C5: variants seen among roughly 807,000 people sequenced by gnomAD.
C5 encodes the protein C3 and PZP-like alpha-2-macroglobulin domain-containing protein 4.
Under a neutral mutation model 218.8 loss-of-function variants are expected in C5, and 140 were observed. The ratio of observed to expected loss-of-function variants is 0.64; its 90% confidence interval spans 0.56 to 0.74. The LOEUF (loss-of-function observed/expected upper bound fraction) is 0.74, where lower values mean the gene tolerates loss of function less well. C5 is among the 30% of genes least tolerant of loss of function. The pLI is 0.00. For missense variants in C5, 1,700 were observed against 1,969.6 expected (o/e 0.86, Z 2.59); for synonymous variants, 614 against 682.3 (o/e 0.90, Z 1.56).
At chr9:120,974,740 C>T (rs2269066) in intron 30 of C5, 39 bp downstream of exon 30, 169,136 of 1,550,100 alleles carry the variant, frequency 0.11, 11,916 homozygotes, top group African/African-American at 0.33. Flanking sequence ...TCAATGGTCT[C>T]AGCCAATTGT....
rs780147018 is a variant in C5, at chr9:120,970,152, A to G, written c.4162+18T>C. On this transcript the variant is annotated intron_variant, in intron 32 of 40. Coordinates refer to ENST00000223642, the MANE Select transcript of C5 (RefSeq NM_001735.3). ...TTATTTTTAGCCAAAATTACAGCGT[A>G]AATCCTGCTGTTTTTACCTTCAATA... The G allele has an allele frequency of 1.2e-5, 19 of 1,561,040 alleles. No individual in the cohort carries two copies. In the South Asian group the frequency reaches 2.1e-4, roughly 17 times the overall value.
At chr9:121,064,671 G>C in the C5 span, among the ~76,000 whole-genome samples, 1 of 152,034 alleles carries the variant, frequency 6.6e-6, no homozygotes, top group African/African-American at 2.4e-5. Context: ...TAAAATATCA[G>C]ATCTTCTAAG....
At chr9:120,989,383 A>G (rs16910254) in intron 24 of C5, among the ~76,000 whole-genome samples, 185 bp downstream of exon 24, 15,130 of 152,240 alleles carry the variant, frequency 0.099, 853 homozygotes, top group African/African-American at 0.15. Context: ...TCATTCAGGC[A>G]TTTTGGTAAG....
intron 39 of C5, chr9:120,957,062 TG>T: frequency 2.2e-6 from 1 of 444,510 alleles, no homozygotes; most frequent in Non-Finnish European, 4.2e-6. Flanking sequence ...ATTACGCAAT[TG>T]AAAAAAACAT....
intron 25 of C5, among the ~76,000 whole-genome samples, chr9:120,986,477 A>T (rs12237868): frequency 0.14 from 20,507 of 151,814 alleles, 1,671 homozygotes; most frequent in African/African-American, 0.22. Flanking sequence ...TCTCAAGAAA[A>T]GTTTGAGGGT....
At chr9:121,062,144 C>A in the C5 span, among the ~76,000 whole-genome samples, 4 of 152,104 alleles carry the variant, frequency 2.6e-5, no homozygotes, top group Non-Finnish European at 5.9e-5. Context: ...AGAATGTGGT[C>A]TCTTCAGGCT....
At chr9:121,036,475 T>C (rs995989112) in intron 4 of C5, among the ~76,000 whole-genome samples, 3 of 152,244 alleles carry the variant, frequency 2.0e-5, no homozygotes, top group Non-Finnish European at 4.4e-5. Flanking sequence ...TCCACACCCC[T>C]ATCATTCCCT....
At chr9:120,960,135 A>T in intron 38 of C5, 113 bp downstream of exon 38, 1 of 713,464 alleles carries the variant, frequency 1.4e-6, no homozygotes, top group Non-Finnish European at 2.5e-6. Context: ...TCAGGGGATC[A>T]CATGGAATGT....
At chr9:121,023,077 T>G (rs2047380520) in intron 10 of C5, among the ~76,000 whole-genome samples, 1 of 152,162 alleles carries the variant, frequency 6.6e-6, no homozygotes, top group African/African-American at 2.4e-5. Flanking sequence ...ACCAAATAAT[T>G]TTAAATGTTT....
chr9:121,038,022 TC>T (rs1384103271), intron 3 of C5, 71 bp from the exon 4 acceptor site: 4 of 713,430 alleles, frequency 5.6e-6, no homozygotes, highest in Non-Finnish European at 9.4e-6. Context: ...AAAACAACCA[TC>T]CTTAAAAGAG....
intron 5 of C5, among the ~76,000 whole-genome samples, chr9:121,034,587 C>T (rs982027610): frequency 6.6e-6 from 1 of 152,226 alleles, no homozygotes; most frequent in Admixed American, 6.5e-5. Flanking sequence ...TTTTCCTCTT[C>T]CCAATTTTTA....
chr9:121,030,392 C>A lies in C5; in HGVS notation c.758+5G>T, dbSNP rs987793249. The A allele has an allele frequency of 2.0e-5, 28 of 1,377,734 alleles. No homozygotes were observed. Among genetic ancestry groups the A allele is most frequent in the Non-Finnish European group, 2.6e-5 (26 of 997,958 alleles). The allele number at this position is 1,377,734 out of a possible 1,614,324, so 85.3% of individuals were successfully genotyped here. On this transcript the variant is annotated splice_donor_5th_base_variant and intron_variant, in intron 7 of 40. Coordinates refer to ENST00000223642, the MANE Select transcript of C5 (RefSeq NM_001735.3). ...TAAAAACAACAAAAAAACAAATGTTCTTACCTTGCTTTTATAGTAATTTCA... is the reference window on the plus strand; with the variant it reads ...TAAAAACAACAAAAAAACAAATGTTATTACCTTGCTTTTATAGTAATTTCA...
At chr9:120,969,010 A>T in intron 33 of C5, 51 bp downstream of exon 33, 1 of 1,467,244 alleles carries the variant, frequency 6.8e-7, no homozygotes, top group Non-Finnish European at 9.6e-7. Context: ...CAATACGTTA[A>T]CAAAAATGAG....
chr9:120,992,874 A>C (rs2131716762), intron 22 of C5, among the ~76,000 whole-genome samples: 1 of 152,372 alleles, frequency 6.6e-6, no homozygotes, highest in Admixed American at 6.5e-5. Flanking sequence ...GGATTTGACT[A>C]CATCAGAATA....
chr9:121,073,037 C>T, the C5 span, among the ~76,000 whole-genome samples: 1 of 152,082 alleles, frequency 6.6e-6, no homozygotes, highest in East Asian at 1.9e-4. Flanking sequence ...ATCTGCATCC[C>T]CATGTTTATT....
At chr9:120,957,063 G>A in intron 39 of C5, 1 of 444,654 alleles carries the variant, frequency 2.2e-6, no homozygotes, top group Admixed American at 3.4e-5. Flanking sequence ...TTACGCAATT[G>A]AAAAAAACAT....
intron 20 of C5, among the ~76,000 whole-genome samples, chr9:121,002,250 A>G (rs951093304): frequency 4.7e-4 from 22 of 47,184 alleles, no homozygotes; most frequent in East Asian, 1.1e-3. Context: ...ATATGTATAT[A>G]TATGTATATA....
intron 28 of C5, among the ~76,000 whole-genome samples, chr9:120,978,089 A>C (rs2046965978): frequency 6.6e-6 from 1 of 152,108 alleles, no homozygotes. Context: ...TATGAGATTA[A>C]ACCTAAAGCC....
At chr9:121,036,233 C>G (rs1263395435) in intron 4 of C5, among the ~76,000 whole-genome samples, 2 of 152,148 alleles carry the variant, frequency 1.3e-5, no homozygotes, top group Non-Finnish European at 2.9e-5. Context: ...TATGGCTCTT[C>G]TTCATCGCAC....
Sources: gnomAD v4.1 joint callset for allele counts (sites outside exome capture counted in the v4.1 genomes callset) on GRCh38, gnomAD v4.1.1 for gene constraint, MANE v1.5 for transcripts, NCBI Gene and HGNC (gene_info 2026-07-23, HGNC 2026-07-21) for gene names.